The following MELK variants were observed in gnomAD, a reference collection of about 807,000 sequenced individuals.
MELK encodes the protein pEg3 kinase.
A neutral mutation model predicts 85.0 loss-of-function variants in MELK; 81 were observed. That is an observed-to-expected ratio of 0.95 (90% CI 0.80 to 1.15). MELK has a LOEUF of 1.15. MELK is among the 50% of genes most tolerant of loss of function. MELK has a pLI of 0.00. For missense variants in MELK, 754 were observed against 777.5 expected (o/e 0.97, Z 0.36); for synonymous variants, 252 against 265.0 (o/e 0.95, Z 0.48).
At position 36,674,416 on chromosome 9, in the gene MELK, CAT is replaced by C. The variant is rs1263601527; in HGVS notation, c.1675-415_1675-414del. On this transcript the variant is annotated intron_variant, in intron 16 of 17. Transcript: ENST00000298048. ...AATAATCCAGAAAGAGTTAAGGAAA[CAT>C]ATCCAACTAGGTACAAAGCAAACTT... Among the ~76,000 whole-genome samples the C allele has an allele frequency of 5.9e-5, 9 of 152,300 alleles. No homozygotes were observed. The East Asian group carries it at 1.7e-3, about 29-fold the overall frequency.
intron 14 of MELK, among the ~76,000 whole-genome samples, chr9:36,667,961 G>C (rs944149561): frequency 8.5e-5 from 13 of 152,078 alleles, no homozygotes; most frequent in African/African-American, 2.7e-4. Context: ...TAGAGATGGG[G>C]TTTCAACATG....
chr9:36,655,560 A>T (rs906610531), intron 12 of MELK, among the ~76,000 whole-genome samples: 4 of 152,140 alleles, frequency 2.6e-5, no homozygotes, highest in Non-Finnish European at 5.9e-5. Context: ...GACTTTGTTC[A>T]ATAGTTAATG....
intron 15 of MELK, among the ~76,000 whole-genome samples, chr9:36,669,750 C>T (rs1832725732): frequency 6.6e-6 from 1 of 152,148 alleles, no homozygotes; most frequent in Admixed American, 6.5e-5. Context: ...GATTGTAGTC[C>T]TCCCAAATCG....
Position 36,604,734 on chromosome 9 carries a change from C to T in MELK, c.568-2841C>T, listed in dbSNP as rs554341221. Among the ~76,000 whole-genome samples, 99 of 151,672 alleles carry T rather than the reference C, an allele frequency of 6.5e-4. 1 individual carries two copies. Among genetic ancestry groups the T allele is most frequent in the Admixed American group, 3.0e-3 (46 of 15,228 alleles). ...TCTTGGCTCACTGCAACCTCCACCTCCCGAGTTCAAGCGATTCTCCTGCCT... is the reference window on the plus strand; with the variant it reads ...TCTTGGCTCACTGCAACCTCCACCTTCCGAGTTCAAGCGATTCTCCTGCCT... On this transcript the variant is annotated intron_variant, in intron 7 of 17. Coordinates refer to ENST00000298048, the MANE Select transcript of MELK (RefSeq NM_014791.4).
At chr9:36,658,096 A>G (rs1238659766) in intron 13 of MELK, among the ~76,000 whole-genome samples, 3 of 150,566 alleles carry the variant, frequency 2.0e-5, no homozygotes, top group East Asian at 2.0e-4. Context: ...CTCGGTGGCA[A>G]TTGATCTGTT....
chr9:36,625,318 A>G (rs1827823849), intron 8 of MELK, among the ~76,000 whole-genome samples: 1 of 152,210 alleles, frequency 6.6e-6, no homozygotes, highest in African/African-American at 2.4e-5. Context: ...GAGACCGGGC[A>G]AATAAGCAGT....
intron 10 of MELK, among the ~76,000 whole-genome samples, chr9:36,642,716 A>C (rs75444544): frequency 2.0e-5 from 3 of 152,062 alleles, no homozygotes; most frequent in African/African-American, 7.2e-5. Flanking sequence ...GGTGTGAACT[A>C]TTGTGCCCGG....
intron 3 of MELK, among the ~76,000 whole-genome samples, chr9:36,587,125 A>C (rs1298746212): frequency 6.6e-6 from 1 of 152,102 alleles, no homozygotes; most frequent in African/African-American, 2.4e-5. Flanking sequence ...CTGGGATTAC[A>C]GGTGTGAGCC....
intron 8 of MELK, among the ~76,000 whole-genome samples, chr9:36,621,311 A>AC (rs1564173018): frequency 2.3e-4 from 31 of 137,262 alleles, no homozygotes; most frequent in Non-Finnish European, 4.2e-4. Context: ...AAAAAAAAAA[A>AC]AAAAAACTTG....
At chr9:36,599,597 C>A in intron 7 of MELK, 111 bp downstream of exon 7, 1 of 651,878 alleles carries the variant, frequency 1.5e-6, no homozygotes, top group East Asian at 2.8e-5. Context: ...AAGAAATAAT[C>A]TTGTTAATCA....
At chr9:36,665,637 T>A in intron 14 of MELK, 56 bp downstream of exon 14, 1 of 1,363,662 alleles carries the variant, frequency 7.3e-7, no homozygotes, top group Non-Finnish European at 1.0e-6. Context: ...CCATGTTAAG[T>A]AAACATATAG....
Position 36,597,238 on chromosome 9 carries a change from A to C in MELK, c.422A>C (p.Asp141Ala). Residue 141 changes from aspartate (D) to alanine (A), a missense_variant, in exon 6 of 18, where the codon GAT becomes GCT. Physicochemically the swap from Asp to Ala is moderately radical, Grantham distance 126 (BLOSUM62 -2). Transcript: ENST00000298048. ...TTTTCCCAGGAAAATTTGCTGTTTG[A>C]TGAATATCATAAATTAAAGCTGATT... is the stretch of plus-strand genomic sequence containing the variant. ...RDLKPENLLF[D>A]EYHKLKLIDF... The C allele has an allele frequency of 6.2e-7, 1 of 1,613,772 alleles. No homozygotes were observed. The highest frequency in any genetic ancestry group is 8.5e-7 in the Non-Finnish European group (1 of 1,179,694).
Position 36,617,425 on chromosome 9 carries a change from T to C in MELK, c.666+9752T>C, listed in dbSNP as rs578142976. ...ATAGTTCATTGCAACCTCAATTTCC[T>C]GGGCTCAAGTGATCCTCCAGCCTCA... On this transcript the variant is annotated intron_variant, in intron 8 of 17. Transcript: ENST00000298048. 5.9e-5 allele frequency among the ~76,000 whole-genome samples: 9 copies of C among 152,180 alleles called. No homozygotes were observed. In the East Asian group the frequency reaches 1.4e-3, roughly 23 times the overall value.
rs755639638 is a variant in MELK, at chr9:36,581,749, A to G, written c.58+10A>G. The stretch of plus-strand genomic sequence containing the variant: ...GAAACTATTGGGACAGGTAATTGTT[A>G]TTTTTTTTTGGAGGCAGTGGATAGA... On this transcript the variant is annotated intron_variant, in intron 2 of 17. Coordinates refer to ENST00000298048, the MANE Select transcript of MELK (RefSeq NM_014791.4). 3.9e-6 allele frequency: 6 copies of G among 1,538,298 alleles called. No individual in the cohort carries two copies. In the South Asian group the frequency reaches 7.0e-5, roughly 18 times the overall value.
Position 36,633,207 on chromosome 9 carries a change from A to C in MELK, c.834+7A>C, listed in dbSNP as rs193187446. Reference sequence around the variant, plus strand: ...GTGGCAAAGCAAGAATCCTGTAAGTAAAATGAAATCCAGTAGAATTTTTTT... The same window carrying C: ...GTGGCAAAGCAAGAATCCTGTAAGTCAAATGAAATCCAGTAGAATTTTTTT... On this transcript the variant is annotated splice_region_variant and intron_variant, in intron 10 of 17. Coordinates refer to ENST00000298048, the MANE Select transcript of MELK (RefSeq NM_014791.4). The C allele has an allele frequency of 4.4e-6, 7 of 1,586,202 alleles. No homozygotes were observed. The highest frequency in any genetic ancestry group is 5.1e-6 in the Non-Finnish European group (6 of 1,168,678).
chr9:36,669,319 A>G lies in MELK; in HGVS notation c.1418A>G (p.Gln473Arg), dbSNP rs1832677801. ...GTTCTGTTTCTAATAGCTAGAAACC[A>G]GTGCCTGAAAGAAACTCCAATTAAA... ...RYTTPSKARN[Q>R]CLKETPIKIP... is the part of the protein sequence containing the mutation. Residue 473 changes from glutamine to arginine, a missense_variant, in exon 15 of 18, where the codon CAG (glutamine) becomes CGG (arginine). Gln to Arg is a conservative substitution (Grantham distance 43). Coordinates refer to ENST00000298048, the MANE Select transcript of MELK (RefSeq NM_014791.4). The G allele has an allele frequency of 6.2e-7, 1 of 1,607,226 alleles. No homozygotes were observed. Among genetic ancestry groups the G allele is most frequent in the Non-Finnish European group, 8.5e-7 (1 of 1,176,528 alleles).
intron 8 of MELK, among the ~76,000 whole-genome samples, chr9:36,622,536 T>C (rs2085838817): frequency 6.6e-6 from 1 of 152,224 alleles, no homozygotes; most frequent in Non-Finnish European, 1.5e-5. Context: ...GGCTTGAGTA[T>C]TAATCTTATT....
At chr9:36,671,615 G>A (rs565115792) in intron 16 of MELK, among the ~76,000 whole-genome samples, 130 of 152,326 alleles carry the variant, frequency 8.5e-4, no homozygotes, top group Middle Eastern at 3.4e-3. Context: ...AAGCGGGGAA[G>A]GTAGGCCGGA....
At chr9:36,574,759 C>T (rs1249318261) in intron 1 of MELK, among the ~76,000 whole-genome samples, 2 of 152,292 alleles carry the variant, frequency 1.3e-5, no homozygotes, top group Middle Eastern at 3.4e-3. Flanking sequence ...TTAAAAAATG[C>T]CCCCAATTTG....
Sources: gnomAD v4.1 joint callset for allele counts (sites outside exome capture counted in the v4.1 genomes callset) on GRCh38, gnomAD v4.1.1 for gene constraint, MANE v1.5 for transcripts, NCBI Gene and HGNC (gene_info 2026-07-23, HGNC 2026-07-21) for gene names.